The following MLYCD variants were observed in gnomAD, a reference collection of about 807,000 sequenced individuals.
MLYCD encodes malonyl-CoA decarboxylase, also known as malonyl-CoA decarboxylase, mitochondrial.
MLYCD carries 27 observed loss-of-function variants against 35.8 expected under a neutral mutation model. That is an observed-to-expected ratio of 0.75 (90% CI 0.56 to 1.04). MLYCD has a LOEUF of 1.04. Among genes scored for constraint, MLYCD ranks in the 50% least tolerant of loss-of-function variants. The pLI, the probability that MLYCD is intolerant of heterozygous loss-of-function variation, is 0.00. For synonymous variants in MLYCD, 403 were observed against 302.4 expected, an observed-to-expected ratio of 1.33 and a Z score of -3.45; for missense variants, 917 against 665.1, an observed-to-expected ratio of 1.38 and a Z score of -4.17.
rs1440621327 is a variant in MLYCD at position 83,924,843 on chromosome 16, A to G, written c.*9354A>G. On this transcript the variant is annotated 3_prime_UTR_variant, in exon 5 of 5. Transcript: ENST00000262430. ...TCCCCCTCAGCAATGGCCAGGGGCC[A>G]CCGTGGGCCACACTGCACTTCCCAA... 6.6e-6 allele frequency: 1 copy of G among 152,198 alleles called. No individual in the cohort carries two copies. 9.4% of individuals were successfully genotyped at this position (152,198 alleles called of 1,614,324 possible). A position where few individuals can be genotyped will look rare whatever the true frequency, so the allele number is the denominator to read the frequency against.
Position 83,923,958 on chromosome 16 carries a change from G to A in MLYCD, c.*8469G>A, listed in dbSNP as rs1363982706. ...AGGGTGCTGACATTCTGGCAAGGGG[G>A]CGGGGGTCTGTGGAAGACAACCCCA... On this transcript the variant is annotated 3_prime_UTR_variant, in exon 5 of 5. Coordinates refer to ENST00000262430, the MANE Select transcript of MLYCD (RefSeq NM_012213.3). The A allele has an allele frequency of 6.6e-6, 1 of 152,348 alleles. No individual in the cohort carries two copies. The highest frequency in any genetic ancestry group is 1.5e-5 in the Non-Finnish European group (1 of 68,174). 9.4% of individuals were successfully genotyped at this position (152,348 alleles called of 1,614,324 possible).
chr16:83,914,866 C>A (rs992234916), intron 4 of MLYCD, 90 bp from the exon 5 acceptor site: 5 of 1,553,640 alleles, frequency 3.2e-6, no homozygotes, highest in Non-Finnish European at 4.4e-6. Flanking sequence ...GCATGTGAGC[C>A]GTAGGTTAAG....
rs561290292 is a variant in MLYCD, at chr16:83,923,087, C to G, written c.*7598C>G. 9 of 152,422 alleles carry G rather than the reference C, an allele frequency of 5.9e-5. No homozygotes were observed. The highest frequency in any genetic ancestry group is 2.2e-4 in the African/African-American group (9 of 41,578). The allele number at this position is 152,422 out of a possible 1,614,324, so 9.4% of individuals were successfully genotyped here. On this transcript the variant is annotated 3_prime_UTR_variant, in exon 5 of 5. Coordinates refer to ENST00000262430, the MANE Select transcript of MLYCD (RefSeq NM_012213.3). Reference sequence around the variant, plus strand: ...TCTGTCTCTCTGTGTCTTTCTCTTTCTACCCTCTCCATCCCTCCTTCCCTC... The same window carrying G: ...TCTGTCTCTCTGTGTCTTTCTCTTTGTACCCTCTCCATCCCTCCTTCCCTC...
chr16:83,909,674 T>C (rs1227463348), intron 3 of MLYCD, among the ~76,000 whole-genome samples: 1 of 148,518 alleles, frequency 6.7e-6, no homozygotes, highest in East Asian at 2.0e-4. Context: ...CAGGCTAGAG[T>C]GCAATGGTGC....
chr16:83,908,186 C>T lies in MLYCD; in HGVS notation c.702C>T (p.Tyr234=), dbSNP rs750594187. Residue 234 remains tyrosine (Y), a synonymous_variant, in exon 3 of 5, where the codon TAC becomes TAT. Coordinates refer to ENST00000262430, the MANE Select transcript of MLYCD (RefSeq NM_012213.3). ...WMDMKRRVGP[Y]RRCYFFSHCS... ...ACATGAAGCGCCGCGTTGGGCCCTA[C>T]AGAAGGTGTTACTTCTTTTCTCACT... The T allele has an allele frequency of 4.3e-6, 7 of 1,614,234 alleles. No individual in the cohort carries two copies. Among genetic ancestry groups the T allele is most frequent in the Non-Finnish European group, 5.9e-6 (7 of 1,180,044 alleles).
chr16:83,916,413 G>C lies in MLYCD; in HGVS notation c.*924G>C, dbSNP rs566201165. 1 of 154,180 alleles carries C rather than the reference G, an allele frequency of 6.5e-6. No homozygotes were observed. The highest frequency in any genetic ancestry group is 2.5e-5 in the African/African-American group (1 of 39,842). 9.6% of individuals were successfully genotyped at this position (154,180 alleles called of 1,614,324 possible). On this transcript the variant is annotated 3_prime_UTR_variant, in exon 5 of 5. Transcript: ENST00000262430. ...GCATGTGCACGAGCGTCTCTGTGTG[G>C]ATCAGTGCACGTCTGTGCGTGTGCA...
At position 83,900,251 on chromosome 16, in the gene MLYCD, G is replaced by A. The variant is rs149272594; in HGVS notation, c.528+579G>A. On this transcript the variant is annotated intron_variant, in intron 1 of 4. Transcript: ENST00000262430. ...GAGGGCATTTAACTCCCTGCGTTCA[G>A]TACTTAATGTGATGATTCTGAGTTG... Among the ~76,000 whole-genome samples, 5 of 152,314 alleles carry A rather than the reference G, an allele frequency of 3.3e-5. No individual in the cohort carries two copies. The South Asian group carries it at 8.3e-4, about 25-fold the overall frequency.
At chr16:83,905,002 C>T (rs58602020) in intron 1 of MLYCD, among the ~76,000 whole-genome samples, 10,234 of 152,228 alleles carry the variant, frequency 0.067, 404 homozygotes, top group East Asian at 0.14. Context: ...CATCTCCTTC[C>T]GAAAACTTCT....
chr16:83,917,791 C>T lies in MLYCD; in HGVS notation c.*2302C>T, dbSNP rs1303399261. ...AGACCAGCAGTCTTCTGTGCTTTAT[C>T]CTGCTGCCTCCAGAGTGCCATGGAC... On this transcript the variant is annotated 3_prime_UTR_variant, in exon 5 of 5. Coordinates refer to ENST00000262430, the MANE Select transcript of MLYCD (RefSeq NM_012213.3). 3 of 152,290 alleles carry T rather than the reference C, an allele frequency of 2.0e-5. No individual in the cohort carries two copies. The highest frequency in any genetic ancestry group is 4.4e-5 in the Non-Finnish European group (3 of 68,082). The allele number at this position is 152,290 out of a possible 1,614,324, so 9.4% of individuals were successfully genotyped here. A position where few individuals can be genotyped will look rare whatever the true frequency, so the allele number is the denominator to read the frequency against.
intron 3 of MLYCD, among the ~76,000 whole-genome samples, chr16:83,910,178 T>A (rs1178384975): frequency 6.6e-6 from 1 of 151,816 alleles, no homozygotes; most frequent in East Asian, 1.9e-4. Flanking sequence ...GAGATTAGAT[T>A]TTGGAGTAAT....
At position 83,915,403 on chromosome 16, in the gene MLYCD, A is replaced by G. The variant is rs752031686; in HGVS notation, c.1396A>G (p.Thr466Ala). ...YFLEETGPNS[T>A]SYLGSKIIKA... The stretch of plus-strand genomic sequence containing the variant: ...CCTGGAGGAGACGGGCCCCAACAGC[A>G]CCTCCTACCTCGGCTCCAAGATCAT... The change falls in exon 5 of 5, where the codon ACC becomes GCC. Residue 466 changes from threonine to alanine, a missense_variant. Coordinates refer to ENST00000262430, the MANE Select transcript of MLYCD (RefSeq NM_012213.3). 6.5e-5 allele frequency: 105 copies of G among 1,613,602 alleles called. No homozygotes were observed. Among genetic ancestry groups the G allele is most frequent in the Middle Eastern group, 1.6e-4 (1 of 6,084 alleles).
chr16:83,902,942 G>C (rs1288171488), intron 1 of MLYCD, among the ~76,000 whole-genome samples: 1 of 152,136 alleles, frequency 6.6e-6, no homozygotes, highest in Admixed American at 6.5e-5. Context: ...GGTAGGTGTG[G>C]GTATGAGGAT....
Position 83,906,859 on chromosome 16 carries a change from A to C in MLYCD, c.529-128A>C, listed in dbSNP as rs901610953. ...AGGAATCTTGGGAAAAGCTGTTTGGAGAGTTGTCTTGCACAATTGTCTTAT... is the reference window on the plus strand; with the variant it reads ...AGGAATCTTGGGAAAAGCTGTTTGGCGAGTTGTCTTGCACAATTGTCTTAT... On this transcript the variant is annotated intron_variant, in intron 1 of 4. Coordinates refer to ENST00000262430, the MANE Select transcript of MLYCD (RefSeq NM_012213.3). 60 of 837,294 alleles carry C rather than the reference A, an allele frequency of 7.2e-5. No homozygotes were observed. In the African/African-American group the frequency reaches 8.4e-4, roughly 12 times the overall value. 51.9% of individuals were successfully genotyped at this position (837,294 alleles called of 1,614,324 possible).
At chr16:83,902,748 C>T (rs1045032031) in intron 1 of MLYCD, among the ~76,000 whole-genome samples, 11 of 152,098 alleles carry the variant, frequency 7.2e-5, no homozygotes, top group African/African-American at 2.4e-4. Context: ...TCAGATGATC[C>T]GCCCGCCTTG....
Position 83,915,626 on chromosome 16 carries a change from A to C in MLYCD, c.*137A>C. 1 of 1,525,248 alleles carries C rather than the reference A, an allele frequency of 6.6e-7. No individual in the cohort carries two copies. The highest frequency in any genetic ancestry group is 8.8e-7 in the Non-Finnish European group (1 of 1,141,220). The allele number at this position is 1,525,248 out of a possible 1,614,324, so 94.5% of individuals were successfully genotyped here. ...TGTTCTTGTCCCGCAGCCGGTCCACACTGTGAGGCCAGGCCTCAACTTCCC... is the reference window on the plus strand; with the variant it reads ...TGTTCTTGTCCCGCAGCCGGTCCACCCTGTGAGGCCAGGCCTCAACTTCCC... On this transcript the variant is annotated 3_prime_UTR_variant, in exon 5 of 5. Coordinates refer to ENST00000262430, the MANE Select transcript of MLYCD (RefSeq NM_012213.3).
Position 83,921,303 on chromosome 16 carries a change from G to A in MLYCD, c.*5814G>A, listed in dbSNP as rs1907645447. On this transcript the variant is annotated 3_prime_UTR_variant, in exon 5 of 5. Transcript: ENST00000262430. Reference sequence around the variant, plus strand: ...GGATGGTGGAGGGCAGAGTGTTAATGGAAGGAAGATGAATGGATAGATGGA... The same window carrying A: ...GGATGGTGGAGGGCAGAGTGTTAATAGAAGGAAGATGAATGGATAGATGGA... 1 of 149,914 alleles carries A rather than the reference G, an allele frequency of 6.7e-6. No homozygotes were observed. Among genetic ancestry groups the A allele is most frequent in the South Asian group, 2.1e-4 (1 of 4,674 alleles). The allele number at this position is 149,914 out of a possible 1,614,324, so 9.3% of individuals were successfully genotyped here.
At position 83,921,849 on chromosome 16, in the gene MLYCD, C is replaced by G. The variant is rs1907665599; in HGVS notation, c.*6360C>G. The G allele has an allele frequency of 7.2e-6, 1 of 138,254 alleles. No homozygotes were observed. Among genetic ancestry groups the G allele is most frequent in the Non-Finnish European group, 1.6e-5 (1 of 61,228 alleles). 8.6% of individuals were successfully genotyped at this position (138,254 alleles called of 1,614,324 possible). On this transcript the variant is annotated 3_prime_UTR_variant, in exon 5 of 5. Coordinates refer to ENST00000262430, the MANE Select transcript of MLYCD (RefSeq NM_012213.3). ...GAACAAAAGCAGACAGCGGCCAGGT[C>G]TGAGGGTGATAGGCTACTCACTGGG...
At chr16:83,910,983 T>C (rs1466689826) in intron 3 of MLYCD, among the ~76,000 whole-genome samples, 3 of 151,284 alleles carry the variant, frequency 2.0e-5, no homozygotes, top group African/African-American at 2.4e-5. Flanking sequence ...TTCTTTCTTT[T>C]TTTCTTTTTT....
chr16:83,909,336 C>G (rs1157950562), intron 3 of MLYCD, among the ~76,000 whole-genome samples: 1 of 152,160 alleles, frequency 6.6e-6, no homozygotes, highest in East Asian at 1.9e-4. Context: ...TAGGGCCCAT[C>G]AGGAGAGAAT....
Sources: gnomAD v4.1 joint callset for allele counts (sites outside exome capture counted in the v4.1 genomes callset) on GRCh38, gnomAD v4.1.1 for gene constraint, MANE v1.5 for transcripts, NCBI Gene and HGNC (gene_info 2026-07-23, HGNC 2026-07-21) for gene names.